CARD6: variants seen among roughly 807,000 people sequenced by gnomAD.
CARD6 encodes caspase recruitment domain family member 6, also known as caspase recruitment domain-containing protein 6.
In CARD6, 27 loss-of-function variants were observed where a neutral mutation model predicts 23.6. The ratio of observed to expected loss-of-function variants is 1.14; its 90% CI spans 0.84 to 1.58. CARD6 has a LOEUF of 1.58. CARD6 is among the 40% of genes most tolerant of loss of function. The probability of loss-of-function intolerance (pLI) is 0.00; values close to 1 mark genes in which losing one functional copy is unlikely to be tolerated. For synonymous variants in CARD6, 397 were observed against 431.8 expected (o/e 0.92, Z 1.00); for missense variants, 1,214 against 1,209.9 (o/e 1.00, Z -0.05).
At chr5:40,841,692 G>C in intron 1 of CARD6, 27 bp downstream of exon 1, 3 of 1,563,348 alleles carry the variant, frequency 1.9e-6, no homozygotes, top group Non-Finnish European at 2.6e-6. Flanking sequence ...TACTTTTTGG[G>C]GTGAGAGGAA....
intron 1 of CARD6, among the ~76,000 whole-genome samples, chr5:40,842,694 T>G (rs558620121): frequency 2.1e-3 from 318 of 152,240 alleles, no homozygotes; most frequent in Non-Finnish European, 3.0e-3. Flanking sequence ...AAAGTTGACA[T>G]GTTGACATGC....
chr5:40,850,154 C>A (rs1746036466), intron 2 of CARD6, among the ~76,000 whole-genome samples: 1 of 152,008 alleles, frequency 6.6e-6, no homozygotes, highest in South Asian at 2.1e-4. Context: ...GTGGCTAACG[C>A]CTGTAATCCC....
chr5:40,851,231 G>A (rs181381883), intron 2 of CARD6, among the ~76,000 whole-genome samples: 28 of 152,132 alleles, frequency 1.8e-4, no homozygotes, highest in Admixed American at 1.8e-3. Flanking sequence ...TCGGGAGGCT[G>A]AGGCTGGGAG....
chr5:40,853,608 C>A lies in CARD6; in HGVS notation c.2276C>A (p.Ser759Ter). 1 of 1,614,234 alleles carries A rather than the reference C, an allele frequency of 6.2e-7. No homozygotes were observed. The highest frequency in any genetic ancestry group is 1.1e-5 in the South Asian group (1 of 91,086). The change falls in exon 3 of 3, where the codon TCA becomes TAA. Residue 759 changes from serine (S) to a stop codon, truncating the protein, a stop_gained. Coordinates refer to ENST00000254691, the MANE Select transcript of CARD6 (RefSeq NM_032587.4). LOFTEE classifies it low-confidence loss of function (END_TRUNC). ...ASWVMGRPFG[S>*]EQRPKWFHPL... Reference sequence around the variant, plus strand: ...TGGGTTATGGGCCGCCCCTTTGGGTCAGAGCAGAGGCCTAAGTGGTTCCAT... The same window carrying A: ...TGGGTTATGGGCCGCCCCTTTGGGTAAGAGCAGAGGCCTAAGTGGTTCCAT...
intron 2 of CARD6, among the ~76,000 whole-genome samples, chr5:40,850,721 CAAAAAAAAAAAAAA>C (rs34372703): frequency 4.3e-5 from 2 of 46,526 alleles, no homozygotes; most frequent in South Asian, 1.3e-3. Flanking sequence ...ACTCCGTCTC[CAAAAAAAAAAAAAA>C]AAAAAAAAAA....
chr5:40,842,597 C>T (rs1279942196), intron 1 of CARD6, among the ~76,000 whole-genome samples: 1 of 152,040 alleles, frequency 6.6e-6, no homozygotes, highest in African/African-American at 2.4e-5. Context: ...TTCACTTACC[C>T]TGTAAGGTTG....
In CARD6 at chr5:40,853,437, T is replaced by C. The variant is rs746637092; in HGVS notation, c.2105T>C (p.Ile702Thr). 7 of 1,614,164 alleles carry C rather than the reference T, an allele frequency of 4.3e-6. No individual in the cohort carries two copies. The African/African-American group carries it at 6.7e-5, about 15-fold the overall frequency. The stretch of plus-strand genomic sequence containing the variant: ...TCTAAAAGCCAGGCTCTAATGCCAA[T>C]TCAAGAGCCTGGGACTCAATGTGAG... ...SSSKSQALMP[I>T]QEPGTQCELS... is the part of the protein sequence containing the mutation. The change falls in exon 3 of 3, where the codon ATT becomes ACT. Residue 702 changes from isoleucine (I) to threonine (T), a missense_variant. Transcript: ENST00000254691.
At position 40,852,550 on chromosome 5, in the gene CARD6, C is replaced by T. The variant is rs780637265; in HGVS notation, c.1218C>T (p.Pro406=). ...SNMYQCQFAL[P]LLLPDAENNK... The stretch of plus-strand genomic sequence containing the variant: ...TGTATCAGTGCCAGTTTGCTCTTCC[C>T]CTGCTACTGCCAGATGCAGAAAACA... Residue 406 remains proline (P), a synonymous_variant, in exon 3 of 3, where the codon CCC becomes CCT. Transcript: ENST00000254691. 4 of 1,614,204 alleles carry T rather than the reference C, an allele frequency of 2.5e-6. No individual in the cohort carries two copies. The South Asian group carries it at 4.4e-5, about 18-fold the overall frequency.
In CARD6 at chr5:40,841,611, A is replaced by G. The variant is rs1269780566; in HGVS notation, c.229A>G (p.Lys77Glu). The change falls in exon 1 of 3, where the codon AAG becomes GAG. Residue 77 changes from lysine (K) to glutamate (E), a missense_variant. Physicochemically the swap from Lys to Glu is moderately conservative, Grantham distance 56 (BLOSUM62 1). Transcript: ENST00000254691. ...KGEATCQHFLKCLFSTFPQSA... is the reference protein window; with the variant it reads ...KGEATCQHFLECLFSTFPQSA... ...AGAGGCGACCTGTCAGCATTTTCTC[A>G]AGTGTTTATTTAGTACTTTTCCACA... 1 of 1,614,118 alleles carries G rather than the reference A, an allele frequency of 6.2e-7. No homozygotes were observed. Among genetic ancestry groups the G allele is most frequent in the Non-Finnish European group, 8.5e-7 (1 of 1,180,002 alleles).
intron 2 of CARD6, among the ~76,000 whole-genome samples, chr5:40,850,599 G>A (rs1236291519): frequency 1.4e-5 from 2 of 146,440 alleles, no homozygotes; most frequent in African/African-American, 2.5e-5. Context: ...GCGGGCGCCT[G>A]TAGTCCCAGC....
Position 40,853,881 on chromosome 5 carries a change from G to C in CARD6, c.2549G>C (p.Gly850Ala), listed in dbSNP as rs200380836. 1 of 1,614,148 alleles carries C rather than the reference G, an allele frequency of 6.2e-7. No individual in the cohort carries two copies. Among genetic ancestry groups the C allele is most frequent in the South Asian group, 1.1e-5 (1 of 91,080 alleles). The change falls in exon 3 of 3, where the codon GGT becomes GCT. Residue 850 changes from glycine to alanine, a missense_variant. By Grantham distance (60) the Gly-to-Ala change is moderately conservative. Coordinates refer to ENST00000254691, the MANE Select transcript of CARD6 (RefSeq NM_032587.4). Reference sequence around the variant, plus strand: ...TCTAGGGCAGTAGCCTCCAAGATAGGTCACTCCTATTCCCTGGATTCACAG... The same window carrying C: ...TCTAGGGCAGTAGCCTCCAAGATAGCTCACTCCTATTCCCTGGATTCACAG... The part of the protein sequence containing the change: ...ERSRAVASKI[G>A]HSYSLDSQPA...
At chr5:40,847,463 A>G (rs760077255) in intron 2 of CARD6, among the ~76,000 whole-genome samples, 1 of 151,932 alleles carries the variant, frequency 6.6e-6, no homozygotes, top group Non-Finnish European at 1.5e-5. Context: ...CCAGGTTTTC[A>G]TTTTATATTA....
rs1344846925 is a variant in CARD6, at chr5:40,841,746, G to T, written c.283+81G>T. 5 of 1,209,534 alleles carry T rather than the reference G, an allele frequency of 4.1e-6. No individual in the cohort carries two copies. The East Asian group carries it at 1.0e-4, about 24-fold the overall frequency. 74.9% of individuals were successfully genotyped at this position (1,209,534 alleles called of 1,614,324 possible). ...AAAGAAAACAAAATGAAAGAAAATT[G>T]TTGCCTTTTATTTTTGTTAGTCTTT... On this transcript the variant is annotated intron_variant, in intron 1 of 2. Coordinates refer to ENST00000254691, the MANE Select transcript of CARD6 (RefSeq NM_032587.4).
chr5:40,854,092 A>G lies in CARD6; in HGVS notation c.2760A>G (p.Thr920=). 2 of 1,614,204 alleles carry G rather than the reference A, an allele frequency of 1.2e-6. No homozygotes were observed. The highest frequency in any genetic ancestry group is 1.1e-5 in the South Asian group (1 of 91,084). Residue 920 remains threonine, a synonymous_variant, in exon 3 of 3, where the codon ACA becomes ACG. Coordinates refer to ENST00000254691, the MANE Select transcript of CARD6 (RefSeq NM_032587.4). The stretch of plus-strand genomic sequence containing the variant: ...CTCAGCAAGGAGTCCAGATGAAGAC[A>G]CAAGGTGGGGCTTCAAATCCAGCTC... ...PASQQGVQMK[T]QGGASNPALQ...
chr5:40,852,671 CTGACTCTCA>C lies in CARD6; in HGVS notation c.1343_1351del (p.Thr448_Met450del). 1 of 1,614,218 alleles carries C rather than the reference CTGACTCTCA, an allele frequency of 6.2e-7. No homozygotes were observed. Among genetic ancestry groups the C allele is most frequent in the East Asian group, 2.2e-5 (1 of 44,884 alleles). ...GCCTACAGAGGATACAGAAAAGTTT[CTGACTCTCA>C]TGAAGATGCCTGTCATCTCTTTTGT... On this transcript the variant is annotated inframe_deletion, in exon 3 of 3. Coordinates refer to ENST00000254691, the MANE Select transcript of CARD6 (RefSeq NM_032587.4).
rs1489359419 is a variant in CARD6 at position 40,854,115 on chromosome 5, C to T, written c.2783C>T (p.Ala928Val). 4 of 1,614,082 alleles carry T rather than the reference C, an allele frequency of 2.5e-6. No homozygotes were observed. The highest frequency in any genetic ancestry group is 2.7e-5 in the African/African-American group (2 of 74,912). Residue 928 changes from alanine (A) to valine (V), a missense_variant, in exon 3 of 3, where the codon GCT (alanine) becomes GTT (valine). Ala to Val is a moderately conservative substitution (Grantham distance 64). Transcript: ENST00000254691. ...ACACAAGGTGGGGCTTCAAATCCAG[C>T]TCTCCAAATAGGGTCCCATCCCATG... is the stretch of plus-strand genomic sequence containing the variant. ...MKTQGGASNP[A>V]LQIGSHPMCK...
chr5:40,846,438 T>C (rs576104811), intron 2 of CARD6, among the ~76,000 whole-genome samples: 3 of 152,302 alleles, frequency 2.0e-5, no homozygotes, highest in African/African-American at 7.2e-5. Context: ...ATGCCATCTA[T>C]GCCATCTGTA....
intron 2 of CARD6, among the ~76,000 whole-genome samples, chr5:40,850,414 A>C (rs1469450616): frequency 6.7e-4 from 6 of 8,928 alleles, no homozygotes; most frequent in Admixed American, 1.2e-3. Flanking sequence ...ACTCCATCTC[A>C]AAAAAAAAAA....
rs948355832 is a variant in CARD6, at chr5:40,841,508, A to G, written c.126A>G (p.Glu42=). The G allele has an allele frequency of 6.2e-7, 1 of 1,614,132 alleles. No homozygotes were observed. The highest frequency in any genetic ancestry group is 1.1e-5 in the South Asian group (1 of 91,082). ...TLTSRRLISE[E]EYETLENVTD... is the part of the protein sequence containing the mutation. ...CTTCTCGGAGGCTGATTTCTGAGGA[A>G]GAGTATGAGACTCTGGAGAATGTTA... Residue 42 remains glutamate, a synonymous_variant, in exon 1 of 3, where the codon GAA becomes GAG. Transcript: ENST00000254691.
Sources: gnomAD v4.1 joint callset for allele counts (sites outside exome capture counted in the v4.1 genomes callset) on GRCh38, gnomAD v4.1.1 for gene constraint, MANE v1.5 for transcripts, NCBI Gene and HGNC (gene_info 2026-07-23, HGNC 2026-07-21) for gene names.